NRXN1: variants seen among roughly 807,000 people sequenced by gnomAD.
The protein encoded by NRXN1 is neurexin-1.
Under a neutral mutation model 150.9 loss-of-function variants are expected in NRXN1, and 39 were observed. The ratio of observed to expected loss-of-function variants is 0.26; its 90% CI spans 0.20 to 0.34. NRXN1 has a LOEUF of 0.34. Ranked by LOEUF, NRXN1 falls within the 10% of genes least tolerant of loss-of-function variation. The pLI is 1.00. For synonymous variants in NRXN1, 924 were observed against 757.0 expected (o/e 1.22, Z -3.62); for missense variants, 1,815 against 1,949.9 (o/e 0.93, Z 1.30).
At chr2:50,472,509 T>A (rs201380272) in intron 15 of NRXN1, 38 bp from the exon 16 acceptor site, 1 of 1,556,818 alleles carries the variant, frequency 6.4e-7, no homozygotes, top group Non-Finnish European at 8.8e-7. Flanking sequence ...AAAAGTACCA[T>A]GTCATTGACT....
intron 5 of NRXN1, among the ~76,000 whole-genome samples, chr2:50,850,037 T>G (rs2105971429): frequency 6.6e-6 from 1 of 151,976 alleles, no homozygotes; most frequent in South Asian, 2.1e-4. Flanking sequence ...GAGACCTCAC[T>G]TCTACAAAAA....
intron 17 of NRXN1, among the ~76,000 whole-genome samples, chr2:50,320,744 G>C (rs1477777890): frequency 6.6e-6 from 1 of 152,086 alleles, no homozygotes; most frequent in African/African-American, 2.4e-5. Context: ...TGACCGTGAG[G>C]TATGGAGGGG....
intron 17 of NRXN1, among the ~76,000 whole-genome samples, chr2:50,281,133 T>C (rs2152932681): frequency 7.4e-6 from 1 of 135,396 alleles, no homozygotes; most frequent in Admixed American, 7.6e-5. Flanking sequence ...TGAAACCCCG[T>C]CTCTACTAAA....
chr2:51,025,230 G>A (rs1371257449), intron 2 of NRXN1, among the ~76,000 whole-genome samples: 1 of 152,136 alleles, frequency 6.6e-6, no homozygotes, highest in Non-Finnish European at 1.5e-5. Flanking sequence ...TGCTTCAGAA[G>A]AATCCTAATG....
chr2:50,425,533 G>A (rs1438669573), intron 17 of NRXN1, among the ~76,000 whole-genome samples: 1 of 152,148 alleles, frequency 6.6e-6, no homozygotes, highest in Non-Finnish European at 1.5e-5. Flanking sequence ...GATGGAAGAG[G>A]TGGAACAGCA....
chr2:50,434,777 T>C (rs774226844), intron 17 of NRXN1, among the ~76,000 whole-genome samples: 6 of 152,204 alleles, frequency 3.9e-5, no homozygotes, highest in Non-Finnish European at 8.8e-5. Context: ...TCTTCAGAAC[T>C]TTCTCACTGC....
chr2:50,416,879 T>G (rs2083577868), intron 17 of NRXN1, among the ~76,000 whole-genome samples: 1 of 152,176 alleles, frequency 6.6e-6, no homozygotes, highest in African/African-American at 2.4e-5. Flanking sequence ...AGATGAGATT[T>G]CGGTGGGGAC....
At chr2:50,675,682 C>A (rs1689450595) in intron 5 of NRXN1, among the ~76,000 whole-genome samples, 1 of 152,098 alleles carries the variant, frequency 6.6e-6, no homozygotes, top group Non-Finnish European at 1.5e-5. Context: ...TACCGTTACT[C>A]CAGTTTACTG....
chr2:50,054,691 T>C (rs1298786444), intron 20 of NRXN1, among the ~76,000 whole-genome samples: 3 of 152,164 alleles, frequency 2.0e-5, no homozygotes, highest in East Asian at 1.9e-4. Context: ...CCCTCATAGA[T>C]TGAGTTAGTG....
chr2:50,314,258 A>T (rs984544921), intron 17 of NRXN1, among the ~76,000 whole-genome samples: 1 of 152,010 alleles, frequency 6.6e-6, no homozygotes. Context: ...GACAAGCTTC[A>T]CTTTGATCTG....
At chr2:50,472,600 G>A in intron 15 of NRXN1, 129 bp from the exon 16 acceptor site, 1 of 661,786 alleles carries the variant, frequency 1.5e-6, no homozygotes, top group Non-Finnish European at 2.5e-6. Flanking sequence ...ATGACTAGCT[G>A]TTTTCCCCAA....
rs2078131825 is a variant in NRXN1, at chr2:50,347,642, G to A, written c.3365-110672C>T. ...CGCCCGGCGAGGGGTTCAGAGGGAAGAGTGCGCCCTTCTGAAGGAAGTGGG... is the reference window on the plus strand; with the variant it reads ...CGCCCGGCGAGGGGTTCAGAGGGAAAAGTGCGCCCTTCTGAAGGAAGTGGG... On this transcript the variant is annotated intron_variant, in intron 17 of 22. Transcript: ENST00000401669. This position sits in a 1 kb window ranked among gnomAD's most constrained non-coding sequence, Gnocchi z 4.9. The A allele has an allele frequency of 4.0e-6, 4 of 993,668 alleles. No individual in the cohort carries two copies. The highest frequency in any genetic ancestry group is 1.7e-5 in the African/African-American group (1 of 57,266). 61.6% of individuals were successfully genotyped at this position (993,668 alleles called of 1,614,324 possible). A position where few individuals can be genotyped will look rare whatever the true frequency, so the allele number is the denominator to read the frequency against.
chr2:50,635,018 G>A (rs1352886817), intron 5 of NRXN1, among the ~76,000 whole-genome samples: 1 of 152,148 alleles, frequency 6.6e-6, no homozygotes, highest in African/African-American at 2.4e-5. Flanking sequence ...GCATCTGGCT[G>A]CTCTAATCCC....
At chr2:50,831,270 T>C (rs188790178) in intron 5 of NRXN1, among the ~76,000 whole-genome samples, 4 of 152,316 alleles carry the variant, frequency 2.6e-5, no homozygotes, top group African/African-American at 9.6e-5. Flanking sequence ...TAATAGATTG[T>C]TGAGCCAAAC....
At chr2:50,224,841 A>T (rs552584281) in intron 18 of NRXN1, among the ~76,000 whole-genome samples, 1 of 151,868 alleles carries the variant, frequency 6.6e-6, no homozygotes, top group East Asian at 2.0e-4. Context: ...CTCCTAGTGG[A>T]TTCTTCTCTT....
chr2:49,999,780 T>G (rs1421583), intron 21 of NRXN1, among the ~76,000 whole-genome samples: 72,200 of 151,970 alleles, frequency 0.48, 17,729 homozygotes, highest in Middle Eastern at 0.62. Flanking sequence ...TATATCATCT[T>G]CATATTCTTT....
chr2:50,443,378 T>C (rs532149082), intron 17 of NRXN1, among the ~76,000 whole-genome samples: 3 of 152,324 alleles, frequency 2.0e-5, no homozygotes, highest in African/African-American at 7.2e-5. Flanking sequence ...AAGTACGGCC[T>C]TGGCCTTCAG....
At chr2:50,708,690 C>A (rs1694759479) in intron 5 of NRXN1, among the ~76,000 whole-genome samples, 1 of 152,098 alleles carries the variant, frequency 6.6e-6, no homozygotes, top group African/African-American at 2.4e-5. Flanking sequence ...GGACCTCACA[C>A]AGGAGGAGAA....
At chr2:49,949,981 G>C (rs1159239704) in intron 21 of NRXN1, among the ~76,000 whole-genome samples, 1 of 151,388 alleles carries the variant, frequency 6.6e-6, no homozygotes, top group Non-Finnish European at 1.5e-5. Context: ...CACTAGGTGA[G>C]GTTCCTTGAA....
Sources: gnomAD v4.1 joint callset for allele counts (sites outside exome capture counted in the v4.1 genomes callset) on GRCh38, gnomAD v4.1.1 for gene constraint, Gnocchi (gnomAD v3.1) non-coding constraint, MANE v1.5 for transcripts, NCBI Gene and HGNC (gene_info 2026-07-23, HGNC 2026-07-21) for gene names.